FAM83F: variants seen among roughly 807,000 people sequenced by gnomAD.
FAM83F encodes scaffolding CK1 anchoring protein F.
Under a neutral mutation model 42.9 loss-of-function variants are expected in FAM83F, and 45 were observed. The ratio of observed to expected loss-of-function variants is 1.05; its 90% CI spans 0.83 to 1.35. The LOEUF (loss-of-function observed/expected upper bound fraction) is 1.35. Among genes scored for constraint, FAM83F ranks in the 40% most tolerant of loss-of-function variants. The probability of loss-of-function intolerance (pLI) is 0.00; values close to 1 mark genes in which losing one functional copy is unlikely to be tolerated. For missense variants in FAM83F, 617 were observed against 695.9 expected (o/e 0.89, Z 1.28); for synonymous variants, 306 against 298.3 (o/e 1.03, Z -0.27).
At position 39,995,614 on chromosome 22, in the gene FAM83F, G is replaced by A. The variant is rs1054627529; in HGVS notation, c.489+83G>A. The A allele has an allele frequency of 1.5e-5, 21 of 1,442,992 alleles. No individual in the cohort carries two copies. Among genetic ancestry groups the A allele is most frequent in the East Asian group, 2.5e-5 (1 of 39,926 alleles). The allele number at this position is 1,442,992 out of a possible 1,614,324, so 89.4% of individuals were successfully genotyped here. A position where few individuals can be genotyped will look rare whatever the true frequency, so the allele number is the denominator to read the frequency against. On this transcript the variant is annotated intron_variant, in intron 1 of 4. Transcript: ENST00000333407. This position sits in a 1 kb window ranked among gnomAD's most constrained non-coding sequence, Gnocchi z 4.6. Reference sequence around the variant, plus strand: ...GGGCCCCACCTCCCAGGCAGGGCCCGGGGCAGGCCGCCCTGAGCACCCTCT... The same window carrying A: ...GGGCCCCACCTCCCAGGCAGGGCCCAGGGCAGGCCGCCCTGAGCACCCTCT...
chr22:40,033,064 T>C lies in FAM83F; in HGVS notation c.*3499T>C, dbSNP rs915825806. The C allele has an allele frequency of 2.0e-5, 3 of 152,034 alleles. No individual in the cohort carries two copies. The highest frequency in any genetic ancestry group is 4.4e-5 in the Non-Finnish European group (3 of 68,018). The allele number at this position is 152,034 out of a possible 1,614,324, so 9.4% of individuals were successfully genotyped here. On this transcript the variant is annotated 3_prime_UTR_variant, in exon 5 of 5. Transcript: ENST00000333407. ...TGGGGGAGTGGGTCTCATAAGGTTG[T>C]ATGATGAGAAGCGCAAGTAATTGTT...
chr22:40,016,424 C>T (rs888079172), intron 1 of FAM83F, among the ~76,000 whole-genome samples: 13 of 151,942 alleles, frequency 8.6e-5, no homozygotes, highest in Non-Finnish European at 5.9e-5. Flanking sequence ...GTCTGAAACT[C>T]CTGAGCTCAA....
At position 40,019,946 on chromosome 22, in the gene FAM83F, G is replaced by A; in HGVS notation, c.717G>A (p.Lys239=). The change falls in exon 3 of 5, where the codon AAG becomes AAA. Residue 239 remains lysine (K), a synonymous_variant. Coordinates refer to ENST00000333407, the MANE Select transcript of FAM83F (RefSeq NM_138435.4). ...VGFYMPMGRI[K]GTLSSRFLMV... ...TCTACATGCCCATGGGGAGGATCAA[G>A]GGGACCCTGTCATCAAGGTTCCTGA... 1 of 1,613,534 alleles carries A rather than the reference G, an allele frequency of 6.2e-7. No homozygotes were observed. Among genetic ancestry groups the A allele is most frequent in the Non-Finnish European group, 8.5e-7 (1 of 1,179,698 alleles).
chr22:39,999,298 T>G (rs1474126077), intron 1 of FAM83F, among the ~76,000 whole-genome samples: 3 of 152,208 alleles, frequency 2.0e-5, no homozygotes, highest in Non-Finnish European at 4.4e-5. Flanking sequence ...CACGAAGCTG[T>G]CCACCCATCT....
At position 40,039,909 on chromosome 22, in the gene FAM83F, G is replaced by A. The variant is rs955727099; in HGVS notation, c.*10344G>A. The A allele has an allele frequency of 6.6e-6, 1 of 152,264 alleles. No homozygotes were observed. Among genetic ancestry groups the A allele is most frequent in the Admixed American group, 6.5e-5 (1 of 15,286 alleles). 9.4% of individuals were successfully genotyped at this position (152,264 alleles called of 1,614,324 possible). On this transcript the variant is annotated 3_prime_UTR_variant, in exon 5 of 5. Coordinates refer to ENST00000333407, the MANE Select transcript of FAM83F (RefSeq NM_138435.4). ...AGAAATGAATTTCAGTAGAGTTAGG[G>A]CTAGAAGCCAGGTTCAGAGAGAGAA...
At chr22:40,005,051 C>T (rs2067420818) in intron 1 of FAM83F, among the ~76,000 whole-genome samples, 1 of 152,218 alleles carries the variant, frequency 6.6e-6, no homozygotes. Flanking sequence ...CATATCCCTC[C>T]CTGCACTCTC....
rs537929565 is a variant in FAM83F at position 40,004,235 on chromosome 22, T to C, written c.489+8704T>C. On this transcript the variant is annotated intron_variant, in intron 1 of 4. Coordinates refer to ENST00000333407, the MANE Select transcript of FAM83F (RefSeq NM_138435.4). Reference sequence around the variant, plus strand: ...ATTGATAGCTATTACTTATTGGGCATATAAGTGCTAGGCAAATGCCAGCCC... The same window carrying C: ...ATTGATAGCTATTACTTATTGGGCACATAAGTGCTAGGCAAATGCCAGCCC... Among the ~76,000 whole-genome samples, 8 of 146,898 alleles carry C rather than the reference T, an allele frequency of 5.4e-5. No individual in the cohort carries two copies. In the South Asian group the frequency reaches 1.7e-3, roughly 32 times the overall value.
intron 1 of FAM83F, among the ~76,000 whole-genome samples, chr22:39,997,337 A>C (rs1309120911): frequency 6.6e-6 from 1 of 152,250 alleles, no homozygotes; most frequent in African/African-American, 2.4e-5. Flanking sequence ...ATCTAGTCCC[A>C]TGTGGGATGA....
At chr22:40,000,171 C>T (rs946976909) in intron 1 of FAM83F, among the ~76,000 whole-genome samples, 14 of 152,188 alleles carry the variant, frequency 9.2e-5, no homozygotes, top group African/African-American at 3.1e-4. Flanking sequence ...ATTGCACATT[C>T]CCTGGGGAAC....
intron 4 of FAM83F, among the ~76,000 whole-genome samples, chr22:40,022,940 C>A (rs902521877): frequency 2.6e-5 from 4 of 152,208 alleles, no homozygotes; most frequent in African/African-American, 9.6e-5. Context: ...CAAGTGTCAT[C>A]CCCTCTGCTA....
intron 4 of FAM83F, among the ~76,000 whole-genome samples, chr22:40,024,554 C>T (rs1425815100): frequency 6.6e-6 from 1 of 152,216 alleles, no homozygotes; most frequent in Non-Finnish European, 1.5e-5. Flanking sequence ...AGAGCAGCTG[C>T]CACCTGGCTC....
Position 40,021,825 on chromosome 22 carries a change from A to G in FAM83F, c.1315A>G (p.Ser439Gly), listed in dbSNP as rs902825373. Residue 439 changes from serine to glycine, a missense_variant, in exon 4 of 5, where the codon AGC becomes GGC. Ser to Gly is a moderately conservative substitution (Grantham distance 56). Transcript: ENST00000333407. This position sits in a 1 kb window ranked among gnomAD's most constrained non-coding sequence, Gnocchi z 8.7. Reference sequence around the variant, plus strand: ...GGAGGCCGCCCCCGCCAGGCGCTTCAGCAGCAGGCTCTTCAGTCGCCGAGC... The same window carrying G: ...GGAGGCCGCCCCCGCCAGGCGCTTCGGCAGCAGGCTCTTCAGTCGCCGAGC... ...RGEAAPARRFSSRLFSRRAKR... is the reference protein window; with the variant it reads ...RGEAAPARRFGSRLFSRRAKR... 1 of 1,612,628 alleles carries G rather than the reference A, an allele frequency of 6.2e-7. No homozygotes were observed. Among genetic ancestry groups the G allele is most frequent in the Non-Finnish European group, 8.5e-7 (1 of 1,179,710 alleles).
At chr22:40,027,228 G>A (rs892891942) in intron 4 of FAM83F, among the ~76,000 whole-genome samples, 47 of 152,276 alleles carry the variant, frequency 3.1e-4, no homozygotes, top group African/African-American at 1.0e-3. Context: ...GGACATCTGA[G>A]GGAAGATTCT....
rs752235227 is a variant in FAM83F at position 40,021,806 on chromosome 22, C to T, written c.1296C>T (p.Ala432=). 5 of 1,612,454 alleles carry T rather than the reference C, an allele frequency of 3.1e-6. No homozygotes were observed. Among genetic ancestry groups the T allele is most frequent in the African/African-American group, 1.3e-5 (1 of 74,892 alleles). ...NGMGEAARGE[A]APARRFSSRL... Reference sequence around the variant, plus strand: ...TGGGAGAAGCGGCCCGGGGGGAGGCCGCCCCCGCCAGGCGCTTCAGCAGCA... The same window carrying T: ...TGGGAGAAGCGGCCCGGGGGGAGGCTGCCCCCGCCAGGCGCTTCAGCAGCA... Residue 432 remains alanine, a synonymous_variant, in exon 4 of 5, where the codon GCC becomes GCT. Transcript: ENST00000333407. This position sits in a 1 kb window ranked among gnomAD's most constrained non-coding sequence, Gnocchi z 8.7.
chr22:40,027,279 C>T (rs967220642), intron 4 of FAM83F, among the ~76,000 whole-genome samples: 1 of 152,182 alleles, frequency 6.6e-6, no homozygotes, highest in African/African-American at 2.4e-5. Flanking sequence ...CCTGTGCATG[C>T]GGTTTGCACA....
At chr22:40,018,588 G>A (rs370333749) in intron 1 of FAM83F, among the ~76,000 whole-genome samples, 57 of 149,060 alleles carry the variant, frequency 3.8e-4, no homozygotes, top group African/African-American at 1.4e-3. Context: ...ACAGGTGCCT[G>A]CCACCACGCC....
chr22:40,000,045 C>T (rs1005524598), intron 1 of FAM83F, among the ~76,000 whole-genome samples: 1 of 152,142 alleles, frequency 6.6e-6, no homozygotes, highest in African/African-American at 2.4e-5. Flanking sequence ...TTCCGGTACC[C>T]GAACAGTGCT....
At chr22:40,002,994 G>T (rs934585825) in intron 1 of FAM83F, among the ~76,000 whole-genome samples, 5 of 152,134 alleles carry the variant, frequency 3.3e-5, no homozygotes, top group African/African-American at 1.2e-4. Flanking sequence ...AGCTCAAAGT[G>T]GTGTCCATCC....
intron 1 of FAM83F, among the ~76,000 whole-genome samples, chr22:40,006,064 G>A (rs1193430904): frequency 2.0e-5 from 3 of 152,108 alleles, no homozygotes; most frequent in African/African-American, 7.2e-5. Flanking sequence ...ACATGGCGAA[G>A]CCCCGTCTCT....
Sources: gnomAD v4.1 joint callset for allele counts (sites outside exome capture counted in the v4.1 genomes callset) on GRCh38, gnomAD v4.1.1 for gene constraint, Gnocchi (gnomAD v3.1) non-coding constraint, MANE v1.5 for transcripts, NCBI Gene and HGNC (gene_info 2026-07-23, HGNC 2026-07-21) for gene names.